The following GTF2A1 variants were observed in gnomAD, a reference collection of about 807,000 sequenced individuals.
The protein encoded by GTF2A1 is transcription initiation factor IIA subunit 1.
In GTF2A1, 12 loss-of-function variants were observed where a neutral mutation model predicts 54.1. The observed-to-expected ratio is 0.22, with a 90% CI of 0.14 to 0.36. The LOEUF (loss-of-function observed/expected upper bound fraction) is 0.36, where lower values mean the gene tolerates loss of function less well. GTF2A1 is among the 10% of genes least tolerant of loss of function. The probability of loss-of-function intolerance (pLI) is 1.00; values close to 1 mark genes in which losing one functional copy is unlikely to be tolerated. For missense variants in GTF2A1, 335 were observed against 442.2 expected, an observed-to-expected ratio of 0.76 and a Z score of 2.17; for synonymous variants, 145 against 152.0, an observed-to-expected ratio of 0.95 and a Z score of 0.34.
intron 2 of GTF2A1, among the ~76,000 whole-genome samples, chr14:81,209,081 T>A (rs1893305083): frequency 6.6e-6 from 1 of 152,104 alleles, no homozygotes; most frequent in Admixed American, 6.6e-5. Flanking sequence ...TATGACGACA[T>A]GAGATTTGGA....
At chr14:81,208,981 G>A (rs1042569397) in intron 2 of GTF2A1, among the ~76,000 whole-genome samples, 2 of 152,220 alleles carry the variant, frequency 1.3e-5, no homozygotes, top group African/African-American at 2.4e-5. Context: ...CCTTGTCTCA[G>A]ATGAGACTCT....
At chr14:81,217,719 G>A (rs1238312766) in intron 1 of GTF2A1, among the ~76,000 whole-genome samples, 1 of 152,134 alleles carries the variant, frequency 6.6e-6, no homozygotes, top group Admixed American at 6.5e-5. Flanking sequence ...TTGAGCCCAG[G>A]AGGGAGAGGG....
intron 4 of GTF2A1, among the ~76,000 whole-genome samples, chr14:81,198,616 C>T (rs1893039160): frequency 6.6e-6 from 1 of 152,132 alleles, no homozygotes; most frequent in Non-Finnish European, 1.5e-5. Flanking sequence ...GTTTTTTATT[C>T]TGCACTTTAA....
At chr14:81,200,419 T>G (rs543853555) in intron 4 of GTF2A1, among the ~76,000 whole-genome samples, 2 of 151,780 alleles carry the variant, frequency 1.3e-5, no homozygotes, top group South Asian at 4.2e-4. Flanking sequence ...AGGTGAGGAG[T>G]TGGGCGACCA....
chr14:81,198,345 T>C (rs1171777999), intron 4 of GTF2A1, among the ~76,000 whole-genome samples: 1 of 151,676 alleles, frequency 6.6e-6, no homozygotes, highest in African/African-American at 2.4e-5. Context: ...CTTGGGAGGG[T>C]GAGGTGGGAG....
intron 7 of GTF2A1, among the ~76,000 whole-genome samples, chr14:81,187,393 TAAC>T (rs975274975): frequency 6.6e-6 from 1 of 151,958 alleles, no homozygotes; most frequent in African/African-American, 2.4e-5. Context: ...AAATTCAAGT[TAAC>T]AACATTCACT....
rs948189727 is a variant in GTF2A1, at chr14:81,178,410, G to C, written c.*1813C>G. The stretch of plus-strand genomic sequence containing the variant: ...ATATTTTAAAACCTCTGTGTGCTTT[G>C]AGAGTCACAGAATAAACAAACTTCC... On this transcript the variant is annotated 3_prime_UTR_variant, in exon 9 of 9. Transcript: ENST00000553612. 1 of 151,988 alleles carries C rather than the reference G, an allele frequency of 6.6e-6. No individual in the cohort carries two copies. The highest frequency in any genetic ancestry group is 1.5e-5 in the Non-Finnish European group (1 of 67,980). The allele number at this position is 151,988 out of a possible 1,614,324, so 9.4% of individuals were successfully genotyped here.
In GTF2A1 at chr14:81,185,617, G is replaced by A; in HGVS notation, c.937C>T (p.Pro313Ser). The A allele has an allele frequency of 6.4e-7, 1 of 1,551,448 alleles. No homozygotes were observed. Among genetic ancestry groups the A allele is most frequent in the Non-Finnish European group, 8.9e-7 (1 of 1,124,850 alleles). ...CTCACATCATCTTCACTATTGAGGGGCTCCTACAAATAAAAGGAGAGTTCT... is the reference window on the plus strand; with the variant it reads ...CTCACATCATCTTCACTATTGAGGGACTCCTACAAATAAAAGGAGAGTTCT... ...GAEDGQVEEE[P>S]LNSEDDVSDE... Residue 313 changes from proline (P) to serine (S), a missense_variant, in exon 8 of 9, where the codon CCC becomes TCC. Pro to Ser is a moderately conservative substitution (Grantham distance 74, BLOSUM62 -1). Transcript: ENST00000553612.
intron 2 of GTF2A1, among the ~76,000 whole-genome samples, chr14:81,208,231 G>A (rs1893285588): frequency 6.6e-6 from 1 of 152,154 alleles, no homozygotes; most frequent in Non-Finnish European, 1.5e-5. Flanking sequence ...GGGATTTGGT[G>A]CCCTGTGTCC....
intron 2 of GTF2A1, among the ~76,000 whole-genome samples, chr14:81,211,008 T>A (rs941587967): frequency 6.6e-6 from 1 of 152,232 alleles, no homozygotes; most frequent in Non-Finnish European, 1.5e-5. Flanking sequence ...TAAAACTTAC[T>A]AAATTCTGTG....
chr14:81,188,186 G>T (rs980681484), intron 7 of GTF2A1, among the ~76,000 whole-genome samples: 4 of 152,018 alleles, frequency 2.6e-5, no homozygotes, highest in African/African-American at 9.7e-5. Context: ...TCTTTTTGTT[G>T]TTACGCTGTT....
At chr14:81,209,967 T>C in intron 2 of GTF2A1, 1 of 1,020,534 alleles carries the variant, frequency 9.8e-7, no homozygotes, top group Non-Finnish European at 1.3e-6. Flanking sequence ...ACAAAACTAT[T>C]GTCTTCTAGA....
At chr14:81,182,045 G>A (rs116440930) in intron 8 of GTF2A1, among the ~76,000 whole-genome samples, 1,656 of 151,898 alleles carry the variant, frequency 0.011, 32 homozygotes, top group African/African-American at 0.038. Flanking sequence ...TTACCCTTAC[G>A]GAAATCTGCT....
intron 6 of GTF2A1, among the ~76,000 whole-genome samples, chr14:81,194,167 G>T (rs904187732): frequency 2.6e-5 from 4 of 152,218 alleles, no homozygotes; most frequent in Non-Finnish European, 1.5e-5. Context: ...TCTGCTTCCT[G>T]TCAGATCAGC....
chr14:81,220,581 A>G lies in GTF2A1; in HGVS notation c.-63T>C. On this transcript the variant is annotated 5_prime_UTR_variant, in exon 1 of 9. Coordinates refer to ENST00000553612, the MANE Select transcript of GTF2A1 (RefSeq NM_015859.4). ...GAAAACAAGATAAAAACAAAACCAAAAAAAAAAAAACTATAACACCCGGAG... is the reference window on the plus strand; with the variant it reads ...GAAAACAAGATAAAAACAAAACCAAGAAAAAAAAAACTATAACACCCGGAG... The G allele has an allele frequency of 7.6e-7, 1 of 1,321,488 alleles. No individual in the cohort carries two copies. Among genetic ancestry groups the G allele is most frequent in the Non-Finnish European group, 1.0e-6 (1 of 980,452 alleles). The allele number at this position is 1,321,488 out of a possible 1,614,324, so 81.9% of individuals were successfully genotyped here. A position where few individuals can be genotyped will look rare whatever the true frequency, so the allele number is the denominator to read the frequency against.
intron 7 of GTF2A1, among the ~76,000 whole-genome samples, chr14:81,189,548 C>G (rs931391835): frequency 6.6e-6 from 1 of 151,808 alleles, no homozygotes; most frequent in African/African-American, 2.4e-5. Context: ...GCGGGCACCT[C>G]TAGTCCCAGC....
intron 7 of GTF2A1, among the ~76,000 whole-genome samples, chr14:81,189,454 G>A (rs1303153746): frequency 6.6e-6 from 1 of 152,100 alleles, no homozygotes; most frequent in Admixed American, 6.5e-5. Context: ...GGCGGATCAC[G>A]AGGTCAGGAG....
intron 2 of GTF2A1, among the ~76,000 whole-genome samples, chr14:81,205,442 G>T (rs1475340792): frequency 6.6e-6 from 1 of 152,336 alleles, no homozygotes; most frequent in East Asian, 1.9e-4. Flanking sequence ...CTTACCTGAA[G>T]TCTATTCTTA....
chr14:81,181,239 C>G lies in GTF2A1; in HGVS notation c.1024-909G>C, dbSNP rs975593143. ...AACTTAATGAACTGAAGTGACCTTT[C>G]TTCCTTTTCCCAGTAAGTCACACTA... On this transcript the variant is annotated intron_variant, in intron 8 of 8. Coordinates refer to ENST00000553612, the MANE Select transcript of GTF2A1 (RefSeq NM_015859.4). Among the ~76,000 whole-genome samples the G allele has an allele frequency of 9.2e-5, 14 of 152,094 alleles. 1 individual carries two copies. In the South Asian group the frequency reaches 2.9e-3, roughly 32 times the overall value.
Sources: gnomAD v4.1 joint callset for allele counts (sites outside exome capture counted in the v4.1 genomes callset) on GRCh38, gnomAD v4.1.1 for gene constraint, MANE v1.5 for transcripts, NCBI Gene and HGNC (gene_info 2026-07-23, HGNC 2026-07-21) for gene names.